INVS: variants seen among roughly 807,000 people sequenced by gnomAD.
The protein encoded by INVS is inversion of embryo turning homolog.
INVS carries 86 observed loss-of-function variants against 108.8 expected under a neutral mutation model. That is an observed-to-expected ratio of 0.79 (90% confidence interval 0.66 to 0.95). The LOEUF (loss-of-function observed/expected upper bound fraction) is 0.95. INVS is among the 40% of genes least tolerant of loss of function. INVS has a pLI of 0.00. For missense variants in INVS, 1,169 were observed against 1,297.4 expected (o/e 0.90, Z 1.52); for synonymous variants, 455 against 473.5 (o/e 0.96, Z 0.51).
At chr9:100,239,525 A>C (rs986115330) in intron 5 of INVS, among the ~76,000 whole-genome samples, 1 of 152,216 alleles carries the variant, frequency 6.6e-6, no homozygotes, top group African/African-American at 2.4e-5. Context: ...TTTAATCTAG[A>C]TAATCAGTAT....
intron 3 of INVS, among the ~76,000 whole-genome samples, chr9:100,133,040 A>G (rs1292676341): frequency 6.6e-6 from 1 of 152,084 alleles, no homozygotes; most frequent in Admixed American, 6.6e-5. Context: ...GGGAGGCGGA[A>G]GTTGCAGTGA....
At chr9:100,273,550 T>G (rs1055884764) in intron 12 of INVS, among the ~76,000 whole-genome samples, 14 of 125,890 alleles carry the variant, frequency 1.1e-4, no homozygotes, top group African/African-American at 3.5e-4. Context: ...TTTTTTTTTT[T>G]TTTTCTGAGA....
chr9:100,284,966 T>C (rs1211290961), intron 13 of INVS, among the ~76,000 whole-genome samples: 1 of 152,228 alleles, frequency 6.6e-6, no homozygotes, highest in South Asian at 2.1e-4. Context: ...ATACAATTTA[T>C]AAAACTCACA....
At chr9:100,129,742 A>T (rs1463676232) in intron 3 of INVS, 4 of 698,562 alleles carry the variant, frequency 5.7e-6, no homozygotes, top group Non-Finnish European at 1.1e-5. Context: ...AGAAACACGT[A>T]AAGTGAGTAC....
intron 3 of INVS, 141 bp from the exon 4 acceptor site, chr9:100,225,921 T>C (rs1831302997): frequency 1.6e-6 from 1 of 630,050 alleles, no homozygotes; most frequent in South Asian, 2.1e-5. Flanking sequence ...TATAGTGGAA[T>C]TACAAGCATT....
At chr9:100,232,374 AT>A (rs1831540671) in intron 5 of INVS, among the ~76,000 whole-genome samples, 1 of 151,996 alleles carries the variant, frequency 6.6e-6, no homozygotes, top group African/African-American at 2.4e-5. Context: ...CCATTTGTCC[AT>A]TTTGGCTTTT....
chr9:100,174,969 T>C (rs1023867866), intron 3 of INVS, among the ~76,000 whole-genome samples: 1 of 152,076 alleles, frequency 6.6e-6, no homozygotes, highest in African/African-American at 2.4e-5. Flanking sequence ...AAACCAAAGA[T>C]GAAGAGAAAC....
chr9:100,143,547 G>C (rs988986782), intron 3 of INVS, among the ~76,000 whole-genome samples: 2 of 152,046 alleles, frequency 1.3e-5, no homozygotes, highest in African/African-American at 4.8e-5. Flanking sequence ...GGTTAAGATG[G>C]GGAGATACAA....
intron 3 of INVS, among the ~76,000 whole-genome samples, chr9:100,209,304 A>C (rs1830763815): frequency 6.6e-6 from 1 of 152,238 alleles, no homozygotes; most frequent in African/African-American, 2.4e-5. Flanking sequence ...TCTGCCTTTT[A>C]GAATTAGAAT....
chr9:100,246,896 A>G (rs1564174571), intron 8 of INVS, 109 bp downstream of exon 8: 2 of 1,045,384 alleles, frequency 1.9e-6, no homozygotes, highest in Non-Finnish European at 3.0e-6. Flanking sequence ...CTAATCTAAT[A>G]TTGTTTGACT....
chr9:100,254,112 C>G (rs1387329642), intron 10 of INVS, among the ~76,000 whole-genome samples: 2 of 152,134 alleles, frequency 1.3e-5, no homozygotes, highest in African/African-American at 4.8e-5. Context: ...GCCATTCTAA[C>G]TGGTATGAGA....
intron 11 of INVS, among the ~76,000 whole-genome samples, chr9:100,272,242 C>T (rs1289486335): frequency 6.6e-6 from 1 of 152,108 alleles, no homozygotes; most frequent in Non-Finnish European, 1.5e-5. Context: ...TTCCTGGTTT[C>T]TTCTGGTACT....
intron 3 of INVS, among the ~76,000 whole-genome samples, chr9:100,209,817 G>A (rs1297561623): frequency 1.4e-5 from 2 of 143,220 alleles, no homozygotes; most frequent in Non-Finnish European, 3.1e-5. Context: ...TGCTTCAGAA[G>A]ACTGAAAGGA....
rs569637915 is a variant in INVS at position 100,301,885 on chromosome 9, A to C, written c.*1211A>C. Among the ~76,000 whole-genome samples, 70 of 152,266 alleles carry C rather than the reference A, an allele frequency of 4.6e-4. No homozygotes were observed. Among genetic ancestry groups the C allele is most frequent in the African/African-American group, 1.7e-3 (70 of 41,550 alleles). On this transcript the variant is annotated 3_prime_UTR_variant, in exon 17 of 17. Transcript: ENST00000262457. ...TGCCTGGATGGAATTACAAAGATTT[A>C]GCCAGTTTCTTGGTATATAACAGAA...
intron 3 of INVS, among the ~76,000 whole-genome samples, chr9:100,178,182 CAAAA>C (rs1387128867): frequency 1.3e-5 from 2 of 152,094 alleles, no homozygotes. Context: ...AAAACCAATG[CAAAA>C]AGCCTGAAAA....
At chr9:100,158,445 A>G (rs1829069677) in intron 3 of INVS, among the ~76,000 whole-genome samples, 2 of 152,160 alleles carry the variant, frequency 1.3e-5, no homozygotes, top group African/African-American at 4.8e-5. Flanking sequence ...GTCCCTGCTC[A>G]TTTATTTATT....
intron 2 of INVS, among the ~76,000 whole-genome samples, chr9:100,122,616 C>T (rs967106767): frequency 2.5e-5 from 3 of 117,958 alleles, no homozygotes; most frequent in African/African-American, 1.0e-4. Context: ...CAGAGTCTCG[C>T]TCTGTTGCCC....
chr9:100,138,651 T>C (rs1828313239), intron 3 of INVS, among the ~76,000 whole-genome samples: 1 of 151,726 alleles, frequency 6.6e-6, no homozygotes, highest in Admixed American at 6.6e-5. Context: ...AACCTTGAAA[T>C]TTTATTGATT....
At chr9:100,114,387 CTTTCTTTTTTTTTT>C (rs1385894738) in intron 2 of INVS, among the ~76,000 whole-genome samples, 1 of 60,644 alleles carries the variant, frequency 1.6e-5, no homozygotes, top group Non-Finnish European at 3.3e-5. Flanking sequence ...AGGCAGATTT[CTTTCTTTTTTTTTT>C]TTTTTTTTTT....
Sources: gnomAD v4.1 joint callset for allele counts (sites outside exome capture counted in the v4.1 genomes callset) on GRCh38, gnomAD v4.1.1 for gene constraint, MANE v1.5 for transcripts, NCBI Gene and HGNC (gene_info 2026-07-23, HGNC 2026-07-21) for gene names.